The following DLGAP2 variants were observed in gnomAD, a reference collection of about 807,000 sequenced individuals.
The protein encoded by DLGAP2 is disks large-associated protein 2.
Under a neutral mutation model 100.3 loss-of-function variants are expected in DLGAP2, and 26 were observed. The ratio of observed to expected loss-of-function variants is 0.26; its 90% CI spans 0.19 to 0.36. The LOEUF (loss-of-function observed/expected upper bound fraction) is 0.36, where lower values mean the gene tolerates loss of function less well. DLGAP2 is among the 10% of genes least tolerant of loss of function. The probability of loss-of-function intolerance (pLI) is 1.00; values close to 1 mark genes in which losing one functional copy is unlikely to be tolerated. For missense variants in DLGAP2, 1,858 were observed against 1,453.2 expected (o/e 1.28, Z -4.53); for synonymous variants, 886 against 630.1 (o/e 1.41, Z -6.08).
At chr8:1,550,775 G>A (rs1305436328) in intron 5 of DLGAP2, among the ~76,000 whole-genome samples, 1 of 152,220 alleles carries the variant, frequency 6.6e-6, no homozygotes. Flanking sequence ...GTTTACTGGA[G>A]AAGCTCTCTG....
chr8:1,018,026 C>T (rs1286829872), intron 2 of DLGAP2, among the ~76,000 whole-genome samples: 1 of 152,128 alleles, frequency 6.6e-6, no homozygotes, highest in East Asian at 1.9e-4. Flanking sequence ...GTGGAAAGCG[C>T]TCACTGACCC....
At position 1,040,454 on chromosome 8, in the gene DLGAP2, G is replaced by A. The variant is rs115084598; in HGVS notation, c.73+132488G>A. On this transcript the variant is annotated intron_variant, in intron 2 of 14. Transcript: ENST00000637795. ...AATGTGCGTGGTCGGCTCAGTTTCC[G>A]TGGTCGTCTCGGTGTGCATGGTCGG... Among the ~76,000 whole-genome samples the A allele has an allele frequency of 6.4e-3, 940 of 147,458 alleles. 18 individuals carry two copies. The highest frequency in any genetic ancestry group is 0.021 in the African/African-American group (839 of 39,508).
Position 988,036 on chromosome 8 carries a change from A to AC in DLGAP2, c.73+80072dup, listed in dbSNP as rs1272028476. Among the ~76,000 whole-genome samples the AC allele has an allele frequency of 2.6e-5, 4 of 152,164 alleles. No individual in the cohort carries two copies. In the East Asian group the frequency reaches 7.7e-4, roughly 29 times the overall value. On this transcript the variant is annotated intron_variant, in intron 2 of 14. Coordinates refer to ENST00000637795, the MANE Select transcript of DLGAP2 (RefSeq NM_001346810.2). Reference sequence around the variant, plus strand: ...CACCATTGAATTTTCCTCCATGTGCACCTGACTGGGGAGGAAACTGTCTAA... The same window carrying AC: ...CACCATTGAATTTTCCTCCATGTGCACCCTGACTGGGGAGGAAACTGTCTAA...
chr8:1,315,608 C>T (rs1297528827), intron 3 of DLGAP2, among the ~76,000 whole-genome samples: 2 of 141,406 alleles, frequency 1.4e-5, no homozygotes, highest in Non-Finnish European at 3.1e-5. Context: ...GGTCTACACT[C>T]GAGAAACTCG....
rs182264671 is a variant in DLGAP2 at position 791,271 on chromosome 8, C to T, written c.18+53446C>T. On this transcript the variant is annotated intron_variant, in intron 1 of 14. Transcript: ENST00000637795. ...ATGTTTTCTGAGTGAATGAACCTCA[C>T]TTCCCATTTCTGGGAATTGTGTCAC... Among the ~76,000 whole-genome samples, 274 of 152,334 alleles carry T rather than the reference C, an allele frequency of 1.8e-3. 1 individual carries two copies. The highest frequency in any genetic ancestry group is 1.6e-3 in the Non-Finnish European group (111 of 68,032).
chr8:1,122,912 G>T (rs1350686624), intron 2 of DLGAP2, among the ~76,000 whole-genome samples: 1 of 152,156 alleles, frequency 6.6e-6, no homozygotes, highest in African/African-American at 2.4e-5. Context: ...TCTGGGAAGA[G>T]TGTGATACCA....
chr8:1,616,969 G>C (rs905997441), intron 6 of DLGAP2, among the ~76,000 whole-genome samples: 1 of 152,164 alleles, frequency 6.6e-6, no homozygotes, highest in African/African-American at 2.4e-5. Context: ...CCACTTATAA[G>C]GGAGAACATG....
chr8:1,586,995 C>T (rs1368642376), intron 6 of DLGAP2, among the ~76,000 whole-genome samples: 1 of 152,104 alleles, frequency 6.6e-6, no homozygotes, highest in Non-Finnish European at 1.5e-5. Context: ...CTGATTATAC[C>T]CATAATCTAT....
intron 1 of DLGAP2, among the ~76,000 whole-genome samples, chr8:756,427 C>T (rs1820923331): frequency 6.6e-6 from 1 of 152,178 alleles, no homozygotes; most frequent in South Asian, 2.1e-4. Context: ...TTTTAATTAG[C>T]ACAGATGCAA....
At chr8:1,050,134 G>A (rs551472831) in intron 2 of DLGAP2, among the ~76,000 whole-genome samples, 3 of 152,370 alleles carry the variant, frequency 2.0e-5, no homozygotes, top group East Asian at 1.9e-4. Context: ...TCACAGCCAC[G>A]TGTGCCTATA....
At chr8:1,476,886 C>T (rs541838740) in intron 3 of DLGAP2, among the ~76,000 whole-genome samples, 18 of 152,276 alleles carry the variant, frequency 1.2e-4, no homozygotes, top group African/African-American at 4.3e-4. Flanking sequence ...GGCCAACCCA[C>T]CAGCCCCTTC....
chr8:1,102,650 G>A (rs1046588374), intron 2 of DLGAP2, among the ~76,000 whole-genome samples: 3 of 152,130 alleles, frequency 2.0e-5, no homozygotes, highest in Non-Finnish European at 4.4e-5. Context: ...CTGTCATGTG[G>A]GCACTCGCCT....
intron 3 of DLGAP2, chr8:1,300,504 A>C (rs569409001): frequency 6.6e-6 from 1 of 152,354 alleles, no homozygotes; most frequent in Admixed American, 6.5e-5. Context: ...CGTACTTGTC[A>C]AGTACTGACC....
chr8:1,227,239 C>G (rs1419398720), intron 2 of DLGAP2, among the ~76,000 whole-genome samples: 1 of 136,102 alleles, frequency 7.3e-6, no homozygotes, highest in Non-Finnish European at 1.5e-5. Context: ...TATACACACA[C>G]ACAGAATGGG....
chr8:1,512,683 C>T (rs1361000178), intron 4 of DLGAP2, among the ~76,000 whole-genome samples: 1 of 152,258 alleles, frequency 6.6e-6, no homozygotes, highest in Non-Finnish European at 1.5e-5. Context: ...CTAGGAGGTT[C>T]AGCTGACAGC....
intron 1 of DLGAP2, among the ~76,000 whole-genome samples, chr8:796,093 G>A (rs918708247): frequency 7.3e-5 from 11 of 149,772 alleles, no homozygotes; most frequent in Middle Eastern, 3.5e-3. Flanking sequence ...GAGAGCAGGC[G>A]TCCAGTGAGA....
intron 1 of DLGAP2, among the ~76,000 whole-genome samples, chr8:881,213 A>G (rs1277687025): frequency 6.6e-6 from 1 of 152,226 alleles, no homozygotes; most frequent in African/African-American, 2.4e-5. Context: ...TTTTCAGAAA[A>G]TTAATAGGCG....
intron 8 of DLGAP2, among the ~76,000 whole-genome samples, chr8:1,649,687 A>G (rs541731305): frequency 6.6e-6 from 1 of 152,216 alleles, no homozygotes; most frequent in Non-Finnish European, 1.5e-5. Flanking sequence ...TAGGAAAAAT[A>G]CTCCTTTCTA....
At chr8:1,543,068 A>C (rs144750755) in intron 4 of DLGAP2, among the ~76,000 whole-genome samples, 39 of 152,312 alleles carry the variant, frequency 2.6e-4, no homozygotes, top group African/African-American at 9.4e-4. Flanking sequence ...GTCTTATTAT[A>C]ATGGAGTTGT....
Sources: gnomAD v4.1 joint callset for allele counts (sites outside exome capture counted in the v4.1 genomes callset) on GRCh38, gnomAD v4.1.1 for gene constraint, MANE v1.5 for transcripts, NCBI Gene and HGNC (gene_info 2026-07-23, HGNC 2026-07-21) for gene names.